The following RABGAP1L variants were observed in gnomAD, a reference collection of about 807,000 sequenced individuals.
RABGAP1L encodes rab GTPase-activating protein 1-like.
Under a neutral mutation model 137.7 loss-of-function variants are expected in RABGAP1L, and 63 were observed. The observed-to-expected ratio is 0.46, with a 90% CI of 0.37 to 0.56. The LOEUF is 0.56. Among genes scored for constraint, RABGAP1L ranks in the 20% least tolerant of loss-of-function variants. RABGAP1L has a pLI of 0.00. For missense variants in RABGAP1L, 1,095 were observed against 1,244.0 expected, an observed-to-expected ratio of 0.88 and a Z score of 1.80; for synonymous variants, 431 against 433.7, an observed-to-expected ratio of 0.99 and a Z score of 0.08.
intron 11 of RABGAP1L, among the ~76,000 whole-genome samples, chr1:174,365,931 C>G (rs1167594296): frequency 6.6e-6 from 1 of 152,036 alleles, no homozygotes; most frequent in East Asian, 1.9e-4. Context: ...CTTACTCTGC[C>G]CTCTGAACTT....
At chr1:174,693,133 T>A (rs1429085991) in intron 15 of RABGAP1L, among the ~76,000 whole-genome samples, 1 of 152,160 alleles carries the variant, frequency 6.6e-6, no homozygotes, top group Non-Finnish European at 1.5e-5. Flanking sequence ...TAAACCAAAA[T>A]ATAGTTGTCC....
At chr1:174,541,480 A>C (rs185492100) in intron 13 of RABGAP1L, among the ~76,000 whole-genome samples, 1 of 152,236 alleles carries the variant, frequency 6.6e-6, no homozygotes, top group African/African-American at 2.4e-5. Flanking sequence ...TACCTAGTTT[A>C]TTAAGAGTTT....
At chr1:174,543,884 G>T (rs1202565896) in intron 13 of RABGAP1L, among the ~76,000 whole-genome samples, 1 of 152,152 alleles carries the variant, frequency 6.6e-6, no homozygotes, top group Non-Finnish European at 1.5e-5. Flanking sequence ...GAAATTCTGG[G>T]TTGAAAATTC....
In RABGAP1L at chr1:174,816,432, C is replaced by T. The variant is rs180714900; in HGVS notation, c.2340+4472C>T. ...AAGTGTTAGGATTACAGGCGTGAGC[C>T]ACCACACCAGGCCTCGTAATATATA... On this transcript the variant is annotated intron_variant, in intron 19 of 25. Transcript: ENST00000681986. Among the ~76,000 whole-genome samples the T allele has an allele frequency of 4.0e-3, 609 of 152,202 alleles. 2 individuals are homozygous for T. The highest frequency in any genetic ancestry group is 0.01 in the Middle Eastern group (3 of 294).
At position 174,865,919 on chromosome 1, in the gene RABGAP1L, C is replaced by G. The variant is rs576867690; in HGVS notation, c.2340+53959C>G. Reference sequence around the variant, plus strand: ...GTTCACATCTCAACTGTGCTCATATCTCATTTGCATTGTCAACCACTGTAC... The same window carrying G: ...GTTCACATCTCAACTGTGCTCATATGTCATTTGCATTGTCAACCACTGTAC... On this transcript the variant is annotated intron_variant, in intron 19 of 25. Coordinates refer to ENST00000681986, the MANE Select transcript of RABGAP1L (RefSeq NM_001366446.1). 1.2e-4 allele frequency among the ~76,000 whole-genome samples: 18 copies of G among 152,230 alleles called. No homozygotes were observed. The South Asian group carries it at 3.7e-3, about 32-fold the overall frequency.
intron 13 of RABGAP1L, among the ~76,000 whole-genome samples, chr1:174,451,291 C>T (rs1049602994): frequency 6.6e-6 from 1 of 152,150 alleles, no homozygotes; most frequent in African/African-American, 2.4e-5. Context: ...ATTTGGGAAT[C>T]GTATTTTTAT....
chr1:174,463,564 T>G (rs1656957415), intron 13 of RABGAP1L, among the ~76,000 whole-genome samples: 1 of 152,046 alleles, frequency 6.6e-6, no homozygotes, highest in African/African-American at 2.4e-5. Flanking sequence ...TAATGCTAAA[T>G]GACGAGTTAA....
chr1:174,604,022 G>A (rs900152931), intron 13 of RABGAP1L, among the ~76,000 whole-genome samples: 4 of 151,908 alleles, frequency 2.6e-5, no homozygotes, highest in African/African-American at 7.3e-5. Flanking sequence ...TTGGCGAAGA[G>A]CTGACACAAG....
At chr1:174,347,267 T>C (rs1269259039) in intron 11 of RABGAP1L, among the ~76,000 whole-genome samples, 1 of 152,192 alleles carries the variant, frequency 6.6e-6, no homozygotes, top group Non-Finnish European at 1.5e-5. Flanking sequence ...CATGTTTCTT[T>C]ATTTACTTTC....
At chr1:174,359,443 T>C (rs1683948456) in intron 11 of RABGAP1L, among the ~76,000 whole-genome samples, 1 of 152,246 alleles carries the variant, frequency 6.6e-6, no homozygotes, top group Non-Finnish European at 1.5e-5. Flanking sequence ...GTCACTGGGA[T>C]ATTCATTTCA....
chr1:174,426,437 A>C (rs1651969496), intron 13 of RABGAP1L, among the ~76,000 whole-genome samples: 1 of 152,078 alleles, frequency 6.6e-6, no homozygotes, highest in Non-Finnish European at 1.5e-5. Flanking sequence ...GTTTCCTAAA[A>C]TTTTCCAAAA....
intron 13 of RABGAP1L, chr1:174,548,338 T>C: frequency 1.7e-6 from 2 of 1,160,092 alleles, no homozygotes; most frequent in Non-Finnish European, 2.2e-6. Context: ...GTTTTTGTTT[T>C]TAAAGTGCTC....
intron 14 of RABGAP1L, among the ~76,000 whole-genome samples, chr1:174,652,626 A>T (rs928712056): frequency 6.6e-6 from 1 of 152,176 alleles, no homozygotes; most frequent in Non-Finnish European, 1.5e-5. Flanking sequence ...TCACCAGCAT[A>T]GGCTTCAGAA....
At chr1:174,420,922 T>G (rs1031277608) in intron 13 of RABGAP1L, among the ~76,000 whole-genome samples, 1 of 152,018 alleles carries the variant, frequency 6.6e-6, no homozygotes. Context: ...TGATCTGCCC[T>G]CCTTGGCCTC....
At chr1:174,642,291 T>C (rs1046078390) in intron 14 of RABGAP1L, among the ~76,000 whole-genome samples, 1 of 152,114 alleles carries the variant, frequency 6.6e-6, no homozygotes, top group Non-Finnish European at 1.5e-5. Flanking sequence ...AAAAATAAAC[T>C]TAACCCTTAT....
chr1:174,480,998 G>T (rs1659029777), intron 13 of RABGAP1L, among the ~76,000 whole-genome samples: 1 of 152,118 alleles, frequency 6.6e-6, no homozygotes, highest in Non-Finnish European at 1.5e-5. Flanking sequence ...TAAACAATTT[G>T]CACTGCCTGT....
chr1:174,631,561 A>G (rs1673381440), intron 13 of RABGAP1L, among the ~76,000 whole-genome samples: 1 of 87,642 alleles, frequency 1.1e-5, no homozygotes, highest in South Asian at 4.5e-4. Context: ...GACTTGCTTT[A>G]TGAATCTGGG....
At position 174,448,307 on chromosome 1, in the gene RABGAP1L, C is replaced by A; in HGVS notation, c.1710+54162C>A. The A allele has an allele frequency of 6.2e-7, 1 of 1,612,860 alleles. No individual in the cohort carries two copies. Among genetic ancestry groups the A allele is most frequent in the South Asian group, 1.1e-5 (1 of 91,054 alleles). On this transcript the variant is annotated intron_variant, in intron 13 of 25. Transcript: ENST00000681986. This position sits in a 1 kb window ranked among gnomAD's most constrained non-coding sequence, Gnocchi z 4.2. ...GAATCTAACAGTTATCTTTGTCTTT[C>A]ATTGTGCTCCACTGTTACATCATTA...
intron 20 of RABGAP1L, among the ~76,000 whole-genome samples, chr1:174,966,838 G>A (rs1669672215): frequency 6.6e-6 from 1 of 152,030 alleles, no homozygotes; most frequent in African/African-American, 2.4e-5. Context: ...ATATGGTTTT[G>A]TGTAGAATAT....
Sources: gnomAD v4.1 joint callset for allele counts (sites outside exome capture counted in the v4.1 genomes callset) on GRCh38, gnomAD v4.1.1 for gene constraint, Gnocchi (gnomAD v3.1) non-coding constraint, MANE v1.5 for transcripts, NCBI Gene and HGNC (gene_info 2026-07-23, HGNC 2026-07-21) for gene names.